The following LUC7L2 variants were observed in gnomAD, a reference collection of about 807,000 sequenced individuals.
LUC7L2 encodes putative RNA-binding protein Luc7-like 2.
A neutral mutation model predicts 52.8 loss-of-function variants in LUC7L2; 25 were observed. The observed-to-expected ratio is 0.47, with a 90% CI of 0.34 to 0.66. The LOEUF (loss-of-function observed/expected upper bound fraction) is 0.66. LUC7L2 is among the 30% of genes least tolerant of loss of function. The probability of loss-of-function intolerance (pLI) is 0.01; values close to 1 mark genes in which losing one functional copy is unlikely to be tolerated. For synonymous variants in LUC7L2, 144 were observed against 160.9 expected (o/e 0.89, Z 0.80); for missense variants, 328 against 497.8 (o/e 0.66, Z 3.25).
chr7:139,400,138 GC>G (rs1402472734), intron 3 of LUC7L2, among the ~76,000 whole-genome samples: 2 of 119,282 alleles, frequency 1.7e-5, no homozygotes, highest in Admixed American at 7.3e-5. Context: ...TTTTGGCCTT[GC>G]GGGGGTATTT....
At chr7:139,396,285 A>T (rs539747348) in intron 2 of LUC7L2, among the ~76,000 whole-genome samples, 37 of 152,168 alleles carry the variant, frequency 2.4e-4, no homozygotes, top group African/African-American at 8.7e-4. Context: ...TAAAAAAAAA[A>T]ATTAGCTGGA....
rs902829463 is a variant in LUC7L2, at chr7:139,353,944, G to A, written c.-26+13427G>A. ...AGCCTGGGCAACATGGCGAAACCCC[G>A]TCTCTACTAAAAATACAAAAAATTA... On this transcript the variant is annotated intron_variant, in intron 1 of 10. Transcript: ENST00000541170. Among the ~76,000 whole-genome samples, 27 of 151,550 alleles carry A rather than the reference G, an allele frequency of 1.8e-4. No homozygotes were observed. In the South Asian group the frequency reaches 4.6e-3, roughly 26 times the overall value.
At chr7:139,412,231 A>C (rs1348016598) in intron 7 of LUC7L2, among the ~76,000 whole-genome samples, 1 of 150,068 alleles carries the variant, frequency 6.7e-6, no homozygotes, top group African/African-American at 2.5e-5. Context: ...AAAAAAAAAA[A>C]CAAAAACAAA....
intron 1 of LUC7L2, 62 bp from the exon 2 acceptor site, chr7:139,376,000 G>T: frequency 3.2e-6 from 5 of 1,555,018 alleles, no homozygotes; most frequent in Non-Finnish European, 4.4e-6. Context: ...TAATAGTAGG[G>T]CTCTCAGAAA....
intron 1 of LUC7L2, among the ~76,000 whole-genome samples, chr7:139,362,585 A>G (rs1799942365): frequency 6.6e-6 from 1 of 151,704 alleles, no homozygotes; most frequent in African/African-American, 2.4e-5. Context: ...AGAGAGATGG[A>G]AAAGGTAGGT....
intron 1 of LUC7L2, among the ~76,000 whole-genome samples, chr7:139,366,483 T>G (rs1800159553): frequency 8.4e-6 from 1 of 119,758 alleles, no homozygotes; most frequent in Non-Finnish European, 1.6e-5. Context: ...TAAAGTAACT[T>G]TAATAGTTTA....
chr7:139,383,066 C>T (rs918348310), intron 2 of LUC7L2, among the ~76,000 whole-genome samples: 8 of 152,116 alleles, frequency 5.3e-5, no homozygotes, highest in Non-Finnish European at 1.2e-4. Context: ...GGTGGGATTA[C>T]AGGCGCATGC....
chr7:139,370,007 C>T (rs1800360171), intron 1 of LUC7L2, among the ~76,000 whole-genome samples: 1 of 152,218 alleles, frequency 6.6e-6, no homozygotes, highest in African/African-American at 2.4e-5. Flanking sequence ...TTGTTTTTTC[C>T]CGTTGCCATC....
intron 4 of LUC7L2, among the ~76,000 whole-genome samples, chr7:139,404,632 T>C (rs1363744518): frequency 1.3e-5 from 2 of 152,156 alleles, no homozygotes; most frequent in Non-Finnish European, 2.9e-5. Context: ...ATTACAACAG[T>C]AGGAATGAAC....
chr7:139,401,215 CAA>C (rs34702372), intron 3 of LUC7L2, among the ~76,000 whole-genome samples: 5 of 144,618 alleles, frequency 3.5e-5, no homozygotes, highest in East Asian at 4.1e-4. Flanking sequence ...ACTCTTGTCT[CAA>C]AAAAAAAAAT....
chr7:139,402,406 T>C (rs558303255), intron 4 of LUC7L2, among the ~76,000 whole-genome samples, 159 bp downstream of exon 4: 24 of 152,360 alleles, frequency 1.6e-4, no homozygotes, highest in African/African-American at 5.0e-4. Flanking sequence ...TCTTATACAA[T>C]ATAGTGCAAT....
intron 1 of LUC7L2, among the ~76,000 whole-genome samples, chr7:139,365,495 T>C (rs148849668): frequency 1.6e-3 from 246 of 152,108 alleles, no homozygotes; most frequent in African/African-American, 5.5e-3. Flanking sequence ...GGCCATGAGG[T>C]GTCATGGATC....
chr7:139,409,740 T>A, intron 7 of LUC7L2, 86 bp downstream of exon 7: 1 of 1,445,138 alleles, frequency 6.9e-7, no homozygotes, highest in South Asian at 1.5e-5. Context: ...TAGATGGTGA[T>A]AAATCTGTTA....
intron 9 of LUC7L2, among the ~76,000 whole-genome samples, chr7:139,421,080 C>T (rs996029223): frequency 6.6e-6 from 1 of 152,154 alleles, no homozygotes; most frequent in African/African-American, 2.4e-5. Flanking sequence ...GGATTACAGG[C>T]GTGAGTCACC....
At position 139,349,111 on chromosome 7, in the gene LUC7L2, G is replaced by A. The variant is rs992329374; in HGVS notation, c.-26+8594G>A. Among the ~76,000 whole-genome samples the A allele has an allele frequency of 7.9e-5, 12 of 152,282 alleles. No individual in the cohort carries two copies. The East Asian group carries it at 9.6e-4, about 12-fold the overall frequency. On this transcript the variant is annotated intron_variant, in intron 1 of 10. Coordinates refer to the LUC7L2 transcript ENST00000541170. ...GGAGGTTGCAGTGAGCTGAGATGGC[G>A]CCACTGCATTCCAGCCTGGGCAACA...
chr7:139,352,992 G>A (rs574207957), intron 1 of LUC7L2, among the ~76,000 whole-genome samples: 1 of 152,310 alleles, frequency 6.6e-6, no homozygotes, highest in South Asian at 2.1e-4. Context: ...GAGGTCAGGA[G>A]TTCGAGACCA....
chr7:139,381,385 A>T lies in LUC7L2; in HGVS notation c.156+5229A>T, dbSNP rs1466485280. Among the ~76,000 whole-genome samples the T allele has an allele frequency of 3.9e-5, 3 of 76,714 alleles. No homozygotes were observed. In the East Asian group the frequency reaches 9.4e-4, roughly 24 times the overall value. The allele number at this position is 76,714 out of a possible 152,430, so 50.3% of individuals were successfully genotyped here. A position where few individuals can be genotyped will look rare whatever the true frequency, so the allele number is the denominator to read the frequency against. On this transcript the variant is annotated intron_variant, in intron 2 of 9. Coordinates refer to ENST00000354926, the MANE Select transcript of LUC7L2 (RefSeq NM_016019.5). ...TTTTATTTTATTTTATTTTTATTTTATTTTTTATTTTATTTTATTTTATTT... is the reference window on the plus strand; with the variant it reads ...TTTTATTTTATTTTATTTTTATTTTTTTTTTTATTTTATTTTATTTTATTT...
intron 1 of LUC7L2, among the ~76,000 whole-genome samples, chr7:139,374,195 T>C (rs1357729199): frequency 1.3e-5 from 2 of 152,198 alleles, no homozygotes; most frequent in Admixed American, 6.6e-5. Context: ...TTTGGACTTT[T>C]ACCTGTAGTC....
rs542873774 is a variant in LUC7L2, at chr7:139,384,132, T to G, written c.156+7976T>G. ...AAAATCAGTCTGTAAATTGTTTAAC[T>G]CTTTTCCCATAAATGGTTTATTTTG... is the stretch of plus-strand genomic sequence containing the variant. On this transcript the variant is annotated intron_variant, in intron 2 of 9. Transcript: ENST00000354926. Among the ~76,000 whole-genome samples, 3 of 152,296 alleles carry G rather than the reference T, an allele frequency of 2.0e-5. No homozygotes were observed. In the South Asian group the frequency reaches 6.2e-4, roughly 32 times the overall value.
Sources: gnomAD v4.1 joint callset for allele counts (sites outside exome capture counted in the v4.1 genomes callset) on GRCh38, gnomAD v4.1.1 for gene constraint, MANE v1.5 for transcripts, NCBI Gene and HGNC (gene_info 2026-07-23, HGNC 2026-07-21) for gene names.